The following SLC25A26 variants were observed in gnomAD, a reference collection of about 807,000 sequenced individuals.
The protein encoded by SLC25A26 is solute carrier family 25 member 26, also known as mitochondrial S-adenosylmethionine carrier protein.
A neutral mutation model predicts 37.8 loss-of-function variants in SLC25A26; 36 were observed. The ratio of observed to expected loss-of-function variants is 0.95; its 90% CI spans 0.73 to 1.26. The LOEUF (loss-of-function observed/expected upper bound fraction) is 1.26. Ranked by LOEUF, SLC25A26 falls within the 50% of genes most tolerant of loss-of-function variation. SLC25A26 has a pLI of 0.00. For missense variants in SLC25A26, 390 were observed against 331.1 expected (o/e 1.18, Z -1.38); for synonymous variants, 129 against 122.5 (o/e 1.05, Z -0.35).
At chr3:66,178,413 GGGGCAGCGTTTCT>G (rs1350559482) in intron 1 of SLC25A26, among the ~76,000 whole-genome samples, 8 of 152,156 alleles carry the variant, frequency 5.3e-5, no homozygotes, top group African/African-American at 1.9e-4. Context: ...CCCGCCTCCT[GGGGCAGCGTTTCT>G]GGGCAGCGTT....
chr3:66,230,819 AC>A (rs201288940), intron 1 of SLC25A26, among the ~76,000 whole-genome samples: 12,961 of 80,696 alleles, frequency 0.16, 946 homozygotes, highest in African/African-American at 0.29. Context: ...AAAAAAAAAA[AC>A]AAAAAAAAAC....
At chr3:66,317,454 C>T (rs2075570884) in intron 5 of SLC25A26, among the ~76,000 whole-genome samples, 1 of 152,154 alleles carries the variant, frequency 6.6e-6, no homozygotes, top group South Asian at 2.1e-4. Flanking sequence ...GGGGAGGCTG[C>T]AGACCAGCAA....
At chr3:66,346,514 A>C (rs949238574) in intron 6 of SLC25A26, 106 bp downstream of exon 6, 4 of 551,896 alleles carry the variant, frequency 7.2e-6, no homozygotes, top group African/African-American at 2.0e-5. Context: ...TCAGCAACTC[A>C]AACCTATTAG....
chr3:66,260,161 C>A (rs946772334), intron 3 of SLC25A26, among the ~76,000 whole-genome samples: 1 of 152,154 alleles, frequency 6.6e-6, no homozygotes, highest in East Asian at 1.9e-4. Context: ...AAATACCCCT[C>A]CTCCACATTT....
At chr3:66,178,232 G>A (rs1432345910) in intron 1 of SLC25A26, among the ~76,000 whole-genome samples, 5 of 152,168 alleles carry the variant, frequency 3.3e-5, no homozygotes, top group Admixed American at 2.0e-4. Context: ...TTCTAGGTGG[G>A]TGACTGAGCC....
chr3:66,375,237 G>A (rs1700579186), intron 9 of SLC25A26, among the ~76,000 whole-genome samples: 1 of 152,208 alleles, frequency 6.6e-6, no homozygotes, highest in Non-Finnish European at 1.5e-5. Context: ...GTTGATTCAT[G>A]AAGTTTAAGG....
intron 1 of SLC25A26, among the ~76,000 whole-genome samples, chr3:66,157,537 A>G (rs1193698572): frequency 2.0e-5 from 3 of 152,276 alleles, no homozygotes; most frequent in Non-Finnish European, 4.4e-5. Context: ...GAAATCACAC[A>G]TAAAGCTTCT....
At chr3:66,371,319 T>G in intron 9 of SLC25A26, 1 of 1,549,550 alleles carries the variant, frequency 6.5e-7, no homozygotes, top group South Asian at 1.2e-5. Flanking sequence ...CTCCTCATCC[T>G]GATGCCGAGT....
At chr3:66,165,861 A>C (rs762246624) in intron 1 of SLC25A26, among the ~76,000 whole-genome samples, 13 of 152,088 alleles carry the variant, frequency 8.5e-5, no homozygotes, top group Non-Finnish European at 1.9e-4. Flanking sequence ...TAGGAAACAC[A>C]ACATGCAAGG....
intron 5 of SLC25A26, among the ~76,000 whole-genome samples, chr3:66,325,246 TAAAG>T (rs1172878262): frequency 1.3e-5 from 2 of 152,144 alleles, no homozygotes; most frequent in African/African-American, 4.8e-5. Context: ...AAATACAAAT[TAAAG>T]AAAGGTGAGG....
chr3:66,277,521 G>C (rs1241077464), intron 5 of SLC25A26, among the ~76,000 whole-genome samples: 1 of 151,990 alleles, frequency 6.6e-6, no homozygotes, highest in Non-Finnish European at 1.5e-5. Context: ...GGTACAGCAT[G>C]AAAAGTGATG....
At chr3:66,371,093 C>A in intron 9 of SLC25A26, 1 of 1,392,608 alleles carries the variant, frequency 7.2e-7, no homozygotes, top group Non-Finnish European at 9.3e-7. Flanking sequence ...GCTTCATGTC[C>A]TAAAAGCTCT....
chr3:66,271,453 T>C lies in SLC25A26; in HGVS notation c.453+8074T>C, dbSNP rs80064814. Among the ~76,000 whole-genome samples the C allele has an allele frequency of 3.0e-3, 460 of 152,260 alleles. 3 individuals carry two copies. Among genetic ancestry groups the C allele is most frequent in the East Asian group, 0.016 (84 of 5,172 alleles). On this transcript the variant is annotated intron_variant, in intron 5 of 9. Transcript: ENST00000354883. Reference sequence around the variant, plus strand: ...CTGTTCTGCTTTCAGGCATCATAGTTCTATTCCAGAACTATGAAGAAGGGG... The same window carrying C: ...CTGTTCTGCTTTCAGGCATCATAGTCCTATTCCAGAACTATGAAGAAGGGG...
chr3:66,361,439 A>G (rs1388421670), intron 6 of SLC25A26, among the ~76,000 whole-genome samples: 3 of 152,156 alleles, frequency 2.0e-5, no homozygotes, highest in Non-Finnish European at 4.4e-5. Context: ...GATGCTGTTA[A>G]AAGAATGATG....
At chr3:66,296,075 C>G (rs2074894077) in intron 5 of SLC25A26, among the ~76,000 whole-genome samples, 1 of 151,996 alleles carries the variant, frequency 6.6e-6, no homozygotes, top group Non-Finnish European at 1.5e-5. Context: ...CGTGATCGCA[C>G]CATTGCACTG....
intron 3 of SLC25A26, 138 bp from the exon 4 acceptor site, chr3:66,261,909 TAAAA>T (rs377056969): frequency 7.4e-6 from 4 of 537,016 alleles, no homozygotes; most frequent in East Asian, 3.5e-5. Context: ...AGTTTTAGGT[TAAAA>T]AAAAAAAAAG....
At chr3:66,239,026 G>C (rs2072438729) in intron 2 of SLC25A26, among the ~76,000 whole-genome samples, 1 of 152,152 alleles carries the variant, frequency 6.6e-6, no homozygotes, top group East Asian at 1.9e-4. Context: ...ATATTGTATA[G>C]AAGGGTCCTT....
At chr3:66,300,243 G>GTTTTT (rs1395905357) in intron 5 of SLC25A26, among the ~76,000 whole-genome samples, 10 of 113,452 alleles carry the variant, frequency 8.8e-5, no homozygotes, top group African/African-American at 1.2e-4. Flanking sequence ...CTAGGCTAGG[G>GTTTTT]TTTTTTTGTT....
At chr3:66,292,222 CA>C (rs1228646594) in intron 5 of SLC25A26, among the ~76,000 whole-genome samples, 2 of 152,246 alleles carry the variant, frequency 1.3e-5, no homozygotes, top group Non-Finnish European at 2.9e-5. Context: ...CTCCTGAATA[CA>C]GCACACTGAT....
Sources: gnomAD v4.1 joint callset for allele counts (sites outside exome capture counted in the v4.1 genomes callset) on GRCh38, gnomAD v4.1.1 for gene constraint, MANE v1.5 for transcripts, NCBI Gene and HGNC (gene_info 2026-07-23, HGNC 2026-07-21) for gene names.